CTNNA2: variants seen among roughly 807,000 people sequenced by gnomAD.
The protein encoded by CTNNA2 is catenin alpha 2.
CTNNA2 carries 42 observed loss-of-function variants against 101.0 expected under a neutral mutation model. The ratio of observed to expected loss-of-function variants is 0.42; its 90% confidence interval spans 0.32 to 0.54. The LOEUF (loss-of-function observed/expected upper bound fraction) is 0.54. Among genes scored for constraint, CTNNA2 ranks in the 20% least tolerant of loss-of-function variants. The pLI, the probability that CTNNA2 is intolerant of heterozygous loss-of-function variation, is 0.14. For missense variants in CTNNA2, 871 were observed against 1,223.1 expected (o/e 0.71, Z 4.29); for synonymous variants, 450 against 456.4 (o/e 0.99, Z 0.18).
At chr2:79,948,707 G>A (rs1292772827) in intron 7 of CTNNA2, among the ~76,000 whole-genome samples, 1 of 152,128 alleles carries the variant, frequency 6.6e-6, no homozygotes, top group Non-Finnish European at 1.5e-5. Context: ...GGTGGCTCAC[G>A]CCTGTAATCT....
At chr2:80,440,778 T>G (rs1427890794) in intron 9 of CTNNA2, among the ~76,000 whole-genome samples, 1 of 152,152 alleles carries the variant, frequency 6.6e-6, no homozygotes, top group East Asian at 1.9e-4. Flanking sequence ...TCCTGTGACA[T>G]AAAATTCCAC....
At chr2:79,260,971 C>A (rs1378029222) in intron 2 of CTNNA2, among the ~76,000 whole-genome samples, 2 of 152,164 alleles carry the variant, frequency 1.3e-5, no homozygotes, top group African/African-American at 2.4e-5. Flanking sequence ...TGAGCACTGG[C>A]AGCACTGATA....
intron 7 of CTNNA2, among the ~76,000 whole-genome samples, chr2:79,963,667 C>T (rs547839925): frequency 2.6e-5 from 4 of 152,256 alleles, no homozygotes; most frequent in South Asian, 4.1e-4. Flanking sequence ...ACAGGGTACA[C>T]GTCACACCTG....
Position 80,470,136 on chromosome 2 carries a change from C to T in CTNNA2, c.1290+50535C>T, listed in dbSNP as rs1685176120. On this transcript the variant is annotated intron_variant, in intron 9 of 18. Coordinates refer to ENST00000402739, the MANE Select transcript of CTNNA2 (RefSeq NM_001282597.3). ...ACATCCAGTGCCATTTAGACATAGA[C>T]TACTCAGAAATCCCTGACAAATAGT... 2.6e-5 allele frequency among the ~76,000 whole-genome samples: 4 copies of T among 152,282 alleles called. No homozygotes were observed. The South Asian group carries it at 6.2e-4, about 24-fold the overall frequency.
At chr2:79,796,955 A>T (rs1404442716) in intron 3 of CTNNA2, among the ~76,000 whole-genome samples, 2 of 152,102 alleles carry the variant, frequency 1.3e-5, no homozygotes, top group Non-Finnish European at 2.9e-5. Flanking sequence ...TAAATTGATC[A>T]CTTTCAATGA....
chr2:79,489,888 C>T (rs544059618), intron 4 of CTNNA2, among the ~76,000 whole-genome samples: 1 of 152,274 alleles, frequency 6.6e-6, no homozygotes, highest in East Asian at 1.9e-4. Context: ...AAAGGTAAGA[C>T]CTCCTGCTTC....
At chr2:79,561,112 C>T (rs112821415) in intron 1 of CTNNA2, among the ~76,000 whole-genome samples, 265 of 152,000 alleles carry the variant, frequency 1.7e-3, no homozygotes, top group African/African-American at 6.0e-3. Context: ...TCTAGGCTTA[C>T]TGTCTGCACA....
intron 3 of CTNNA2, among the ~76,000 whole-genome samples, chr2:79,848,871 G>C (rs1426356154): frequency 6.6e-6 from 1 of 152,164 alleles, no homozygotes; most frequent in African/African-American, 2.4e-5. Flanking sequence ...TAGGTGAGGA[G>C]AGTTTGATTT....
chr2:80,411,858 C>G (rs776120050), intron 8 of CTNNA2, among the ~76,000 whole-genome samples: 2 of 152,136 alleles, frequency 1.3e-5, no homozygotes, highest in Admixed American at 6.5e-5. Flanking sequence ...TTTTTTGGAG[C>G]AGTATCTGGC....
chr2:80,474,262 C>T (rs1480516951), intron 9 of CTNNA2, among the ~76,000 whole-genome samples: 1 of 152,082 alleles, frequency 6.6e-6, no homozygotes, highest in Non-Finnish European at 1.5e-5. Context: ...CTGCAGACAC[C>T]AAGTGACATG....
intron 7 of CTNNA2, among the ~76,000 whole-genome samples, chr2:79,984,043 T>G (rs1691582555): frequency 6.6e-6 from 1 of 152,190 alleles, no homozygotes; most frequent in African/African-American, 2.4e-5. Context: ...CGGTTTCTAC[T>G]CAAGCTGTGC....
At chr2:80,117,978 T>C (rs1701618324) in intron 7 of CTNNA2, among the ~76,000 whole-genome samples, 1 of 152,142 alleles carries the variant, frequency 6.6e-6, no homozygotes, top group Non-Finnish European at 1.5e-5. Flanking sequence ...CAGGGTGACA[T>C]ACGGGAAGGT....
intron 3 of CTNNA2, among the ~76,000 whole-genome samples, chr2:79,321,887 G>A (rs193220243): frequency 1.1e-4 from 16 of 152,016 alleles, no homozygotes; most frequent in African/African-American, 2.9e-4. Flanking sequence ...GAAATCCTAC[G>A]TTTCAGTCCT....
chr2:80,003,035 G>A lies in CTNNA2; in HGVS notation c.1056+93238G>A, dbSNP rs1033602688. Among the ~76,000 whole-genome samples the A allele has an allele frequency of 5.9e-5, 9 of 152,230 alleles. 1 individual carries two copies. In the Middle Eastern group the frequency reaches 0.01, roughly 173 times the overall value. On this transcript the variant is annotated intron_variant, in intron 7 of 18. Transcript: ENST00000402739. ...ACCCACTTAGGTTAAGTGGTAAAAC[G>A]TGTTTTAAAAGCCTTACCTGGTGAT...
At chr2:79,350,274 T>C (rs1677358823) in intron 3 of CTNNA2, among the ~76,000 whole-genome samples, 1 of 152,082 alleles carries the variant, frequency 6.6e-6, no homozygotes, top group African/African-American at 2.4e-5. Context: ...CTTCAACCCT[T>C]ACCCCTCTCC....
chr2:79,360,752 C>A (rs1677609394), intron 3 of CTNNA2, among the ~76,000 whole-genome samples: 1 of 152,106 alleles, frequency 6.6e-6, no homozygotes, highest in South Asian at 2.1e-4. Context: ...CAAGATGTAT[C>A]CATCATCCTG....
intron 2 of CTNNA2, among the ~76,000 whole-genome samples, chr2:79,276,963 CAT>C (rs1395902986): frequency 6.6e-6 from 1 of 152,134 alleles, no homozygotes; most frequent in African/African-American, 2.4e-5. Flanking sequence ...CACATGCAAA[CAT>C]GTGCACACAC....
chr2:79,810,725 T>C (rs1291808705), intron 3 of CTNNA2, among the ~76,000 whole-genome samples: 2 of 151,434 alleles, frequency 1.3e-5, no homozygotes, highest in Non-Finnish European at 2.9e-5. Context: ...CCCTTTCCTG[T>C]GTCCATGTGT....
chr2:80,006,316 A>G (rs1448580649), intron 7 of CTNNA2, among the ~76,000 whole-genome samples: 3 of 150,776 alleles, frequency 2.0e-5, no homozygotes, highest in South Asian at 2.1e-4. Context: ...CATTTTGCAT[A>G]TGTCATTTCA....
Sources: allele counts gnomAD v4.1 joint callset (sites outside exome capture counted in the v4.1 genomes callset), GRCh38; gene constraint gnomAD v4.1.1; transcripts MANE v1.5; gene names NCBI Gene and HGNC (gene_info 2026-07-23, HGNC 2026-07-21).